Variants in TANC2 observed in about 807,000 individuals in gnomAD.
TANC2 encodes tetratricopeptide repeat, ankyrin repeat and coiled-coil containing 2.
A neutral mutation model predicts 210.5 loss-of-function variants in TANC2; 26 were observed. That is an observed-to-expected ratio of 0.12 (90% CI 0.09 to 0.17). The LOEUF is 0.17. Ranked by LOEUF, TANC2 falls within the 10% of genes least tolerant of loss-of-function variation. The probability of loss-of-function intolerance (pLI) is 1.00; values close to 1 mark genes in which losing one functional copy is unlikely to be tolerated. For synonymous variants in TANC2, 931 were observed against 967.1 expected, an observed-to-expected ratio of 0.96 and a Z score of 0.69; for missense variants, 2,129 against 2,608.9, an observed-to-expected ratio of 0.82 and a Z score of 4.01.
At position 63,263,901 on chromosome 17, in the gene TANC2, C is replaced by T. The variant is rs148805619; in HGVS notation, c.1034-3847C>T. ...CCATACTCAGATGTTGAAAGATCGA[C>T]AGGTATATCACTCTGCTATTGGTAC... is the stretch of plus-strand genomic sequence containing the variant. On this transcript the variant is annotated intron_variant, in intron 8 of 27. Coordinates refer to ENST00000689528, the Ensembl canonical transcript of TANC2. 8.5e-5 allele frequency among the ~76,000 whole-genome samples: 13 copies of T among 152,308 alleles called. No individual in the cohort carries two copies. In the East Asian group the frequency reaches 2.3e-3, roughly 27 times the overall value.
At chr17:63,026,204 A>G (rs2144073453) in intron 2 of TANC2, among the ~76,000 whole-genome samples, 1 of 152,198 alleles carries the variant, frequency 6.6e-6, no homozygotes, top group East Asian at 1.9e-4. Flanking sequence ...GATTATCATT[A>G]TTCATCTTAT....
intron 5 of TANC2, among the ~76,000 whole-genome samples, chr17:63,159,181 C>T (rs1375953173): frequency 2.6e-5 from 4 of 152,128 alleles, no homozygotes; most frequent in Non-Finnish European, 2.9e-5. Context: ...AACTCACACT[C>T]AAGACACTCA....
intron 9 of TANC2, among the ~76,000 whole-genome samples, chr17:63,286,983 G>T (rs2044242214): frequency 6.6e-6 from 1 of 152,060 alleles, no homozygotes; most frequent in Non-Finnish European, 1.5e-5. Flanking sequence ...ACCCAGCCTG[G>T]AGTACAGTGG....
At chr17:63,318,211 G>A (rs1477889354) in intron 10 of TANC2, among the ~76,000 whole-genome samples, 1 of 151,798 alleles carries the variant, frequency 6.6e-6, no homozygotes, top group Non-Finnish European at 1.5e-5. Context: ...TATTTACTTT[G>A]GTATCTATTT....
intron 4 of TANC2, among the ~76,000 whole-genome samples, chr17:63,134,732 A>G (rs911701974): frequency 5.3e-5 from 8 of 152,240 alleles, no homozygotes; most frequent in African/African-American, 1.4e-4. Flanking sequence ...TGAAGACTAC[A>G]TGATAGGCTG....
intron 9 of TANC2, among the ~76,000 whole-genome samples, chr17:63,287,976 C>T (rs2044276791): frequency 6.6e-6 from 1 of 152,086 alleles, no homozygotes; most frequent in African/African-American, 2.4e-5. Context: ...TGTGCCTGGC[C>T]GAATGTCCTG....
At position 63,091,319 on chromosome 17, in the gene TANC2, T is replaced by A. The variant is rs1201743274; in HGVS notation, c.140-7856T>A. On this transcript the variant is annotated intron_variant, in intron 3 of 27. Transcript: ENST00000689528. ...GTCCTGAATGGTATTGCCTAGGTTT[T>A]CTTCTAGGGTTTTTATGGTTTTAGG... Among the ~76,000 whole-genome samples the A allele has an allele frequency of 3.9e-5, 6 of 152,364 alleles. No individual in the cohort carries two copies. The East Asian group carries it at 1.2e-3, about 29-fold the overall frequency.
At chr17:63,073,067 AGAAC>A (rs1242272583) in intron 2 of TANC2, among the ~76,000 whole-genome samples, 1 of 152,140 alleles carries the variant, frequency 6.6e-6, no homozygotes, top group African/African-American at 2.4e-5. Flanking sequence ...ATTGTATGAA[AGAAC>A]GAACAAAGGA....
exon 5 of TANC2, chr17:63,151,374 T>C (rs1253948419): frequency 1.0e-6 from 1 of 985,416 alleles, no homozygotes; most frequent in Non-Finnish European, 1.2e-6. Context: ...GGATGCATAC[T>C]GCCCTGGTAA....
At chr17:63,342,472 C>T (rs571726167) in intron 12 of TANC2, among the ~76,000 whole-genome samples, 1 of 143,296 alleles carries the variant, frequency 7.0e-6, no homozygotes, top group African/African-American at 2.6e-5. Context: ...TTGAAAGAAA[C>T]ACAGTGATAC....
chr17:63,408,311 T>C (rs917544297), intron 21 of TANC2, among the ~76,000 whole-genome samples: 4 of 152,096 alleles, frequency 2.6e-5, no homozygotes, highest in Non-Finnish European at 5.9e-5. Flanking sequence ...TTTGGGAGAA[T>C]TGTGATTTCA....
exon 28 of TANC2, chr17:63,422,301 A>C: frequency 4.9e-6 from 1 of 204,256 alleles, no homozygotes; most frequent in Non-Finnish European, 1.0e-5. Flanking sequence ...TTGTTGTGTA[A>C]TTGTCTTTTT....
intron 7 of TANC2, among the ~76,000 whole-genome samples, chr17:63,222,231 G>C (rs961734429): frequency 1.3e-5 from 2 of 152,024 alleles, no homozygotes; most frequent in Non-Finnish European, 2.9e-5. Context: ...CTTCCCAAAG[G>C]CCCTACCTCC....
At chr17:63,123,640 AT>A (rs2038578043) in intron 4 of TANC2, among the ~76,000 whole-genome samples, 1 of 149,188 alleles carries the variant, frequency 6.7e-6, no homozygotes, top group Non-Finnish European at 1.5e-5. Context: ...TTTGGAAGTT[AT>A]ACCCGTAGAG....
At chr17:63,267,908 G>A (rs2043578934) in intron 9 of TANC2, 35 bp downstream of exon 9, 2 of 1,571,424 alleles carry the variant, frequency 1.3e-6, no homozygotes, top group Non-Finnish European at 1.7e-6. Flanking sequence ...GGGTGCCCGG[G>A]AACAGATGGA....
chr17:63,002,540 A>C (rs2033434515), intron 1 of TANC2, among the ~76,000 whole-genome samples: 1 of 152,202 alleles, frequency 6.6e-6, no homozygotes. Context: ...AATATCATTA[A>C]GTGGATTTTA....
chr17:63,309,387 C>T (rs1047398339), intron 9 of TANC2, among the ~76,000 whole-genome samples: 5 of 152,010 alleles, frequency 3.3e-5, no homozygotes, highest in East Asian at 3.9e-4. Flanking sequence ...GCCAAAAAAC[C>T]GTATTTTTTT....
Position 63,415,007 on chromosome 17 carries a change from C to T in TANC2, c.4021-521C>T, listed in dbSNP as rs532521906. Among the ~76,000 whole-genome samples the T allele has an allele frequency of 8.5e-5, 13 of 152,296 alleles. 1 individual carries two copies. The South Asian group carries it at 2.7e-3, about 32-fold the overall frequency. On this transcript the variant is annotated intron_variant, in intron 25 of 27. Transcript: ENST00000689528. Reference sequence around the variant, plus strand: ...GAACACTGATTGGTATTATTTTATGCCATGAGATTAGGGAAGCAACTGCTA... The same window carrying T: ...GAACACTGATTGGTATTATTTTATGTCATGAGATTAGGGAAGCAACTGCTA...
intron 4 of TANC2, among the ~76,000 whole-genome samples, chr17:63,102,703 G>A (rs1371192164): frequency 6.6e-6 from 1 of 151,648 alleles, no homozygotes; most frequent in Non-Finnish European, 1.5e-5. Flanking sequence ...GGAGGAACAG[G>A]TAGTAGTATG....
Sources: gnomAD v4.1 joint callset for allele counts (sites outside exome capture counted in the v4.1 genomes callset) on GRCh38, gnomAD v4.1.1 for gene constraint, MANE v1.5 for transcripts, NCBI Gene and HGNC (gene_info 2026-07-23, HGNC 2026-07-21) for gene names.